The following ANKRD62 variants were observed in gnomAD, a reference collection of about 807,000 sequenced individuals.
ANKRD62 encodes ankyrin repeat domain-containing protein 62.
Under a neutral mutation model 98.8 loss-of-function variants are expected in ANKRD62, and 61 were observed. The ratio of observed to expected loss-of-function variants is 0.62; its 90% CI spans 0.50 to 0.76. ANKRD62 has a LOEUF of 0.76. ANKRD62 is among the 30% of genes least tolerant of loss of function. The probability of loss-of-function intolerance (pLI) is 0.00; values close to 1 mark genes in which losing one functional copy is unlikely to be tolerated. For missense variants in ANKRD62, 933 were observed against 1,082.9 expected, an observed-to-expected ratio of 0.86 and a Z score of 1.94; for synonymous variants, 341 against 367.9, an observed-to-expected ratio of 0.93 and a Z score of 0.84.
the ANKRD62 span, among the ~76,000 whole-genome samples, chr18:12,155,079 C>A: frequency 6.6e-6 from 1 of 152,126 alleles, no homozygotes; most frequent in Non-Finnish European, 1.5e-5. Flanking sequence ...ACAAGTTTAC[C>A]TGTGTAACAA....
In ANKRD62 at chr18:12,094,941, G is replaced by T. The variant is rs150146663; in HGVS notation, c.219-230G>T. Among the ~76,000 whole-genome samples, 8 of 134,356 alleles carry T rather than the reference G, an allele frequency of 6.0e-5. No homozygotes were observed. The East Asian group carries it at 2.1e-3, about 35-fold the overall frequency. The allele number at this position is 134,356 out of a possible 152,430, so 88.1% of individuals were successfully genotyped here. ...GGTAGGATGTGGGTACGATGCAAGGGTGGGGGTGGGGGTGGGGTGAGTGTT... is the reference window on the plus strand; with the variant it reads ...GGTAGGATGTGGGTACGATGCAAGGTTGGGGGTGGGGGTGGGGTGAGTGTT... On this transcript the variant is annotated intron_variant, in intron 1 of 13. Coordinates refer to ENST00000587848, the MANE Select transcript of ANKRD62 (RefSeq NM_001277333.2).
In ANKRD62 at chr18:12,097,735, G is replaced by C; in HGVS notation, c.710G>C (p.Gly237Ala). Residue 237 changes from glycine (G) to alanine (A), a missense_variant, in exon 5 of 14, where the codon GGA becomes GCA. Transcript: ENST00000587848. ...GATGTCTTTTGCCAAGATATATCTGGATGGACTGCAGAAGACTACGCTGTT... is the reference window on the plus strand; with the variant it reads ...GATGTCTTTTGCCAAGATATATCTGCATGGACTGCAGAAGACTACGCTGTT... ...NIDVFCQDIS[G>A]WTAEDYAVAS... 6.5e-7 allele frequency: 1 copy of C among 1,536,030 alleles called. No individual in the cohort carries two copies. Among genetic ancestry groups the C allele is most frequent in the Non-Finnish European group, 8.7e-7 (1 of 1,146,782 alleles).
the ANKRD62 span, among the ~76,000 whole-genome samples, chr18:12,172,387 T>C: frequency 6.6e-6 from 1 of 152,238 alleles, no homozygotes; most frequent in African/African-American, 2.4e-5. Flanking sequence ...TGCAGGTCTG[T>C]TGGAGTTTGC....
chr18:12,166,854 G>T, the ANKRD62 span, among the ~76,000 whole-genome samples: 1 of 151,436 alleles, frequency 6.6e-6, no homozygotes, highest in African/African-American at 2.4e-5. Context: ...AGGTATTTCT[G>T]CTAATGCTAT....
the ANKRD62 span, among the ~76,000 whole-genome samples, chr18:12,139,611 A>T: frequency 6.6e-6 from 1 of 151,756 alleles, no homozygotes; most frequent in Non-Finnish European, 1.5e-5. Flanking sequence ...ACGCCACTGC[A>T]CTCCAGCCTG....
intron 7 of ANKRD62, among the ~76,000 whole-genome samples, chr18:12,105,554 A>G (rs1909394161): frequency 6.6e-6 from 1 of 152,150 alleles, no homozygotes; most frequent in South Asian, 2.1e-4. Flanking sequence ...CTCTTCTTAG[A>G]AAGAAAAAAG....
chr18:12,095,152 C>G lies in ANKRD62; in HGVS notation c.219-19C>G. On this transcript the variant is annotated intron_variant, in intron 1 of 13. Transcript: ENST00000587848. Reference sequence around the variant, plus strand: ...GACTGTGCACTACAATTGCCTAAAGCGACCTCTCATTCTCACAGGACTGCT... The same window carrying G: ...GACTGTGCACTACAATTGCCTAAAGGGACCTCTCATTCTCACAGGACTGCT... 2 of 1,527,680 alleles carry G rather than the reference C, an allele frequency of 1.3e-6. No homozygotes were observed. The highest frequency in any genetic ancestry group is 1.8e-6 in the Non-Finnish European group (2 of 1,139,108). The allele number at this position is 1,527,680 out of a possible 1,614,324, so 94.6% of individuals were successfully genotyped here. A position where few individuals can be genotyped will look rare whatever the true frequency, so the allele number is the denominator to read the frequency against.
chr18:12,160,595 G>T, the ANKRD62 span, among the ~76,000 whole-genome samples: 1 of 152,216 alleles, frequency 6.6e-6, no homozygotes, highest in South Asian at 2.1e-4. Context: ...TTCAGCTGGG[G>T]CTTGTATTTC....
chr18:12,102,799 G>A (rs1196990919), intron 6 of ANKRD62: 4 of 980,816 alleles, frequency 4.1e-6, no homozygotes, highest in African/African-American at 1.7e-5. Context: ...GTAATATTAG[G>A]AAGTAAAGAA....
intron 9 of ANKRD62, 71 bp downstream of exon 9, chr18:12,115,192 A>G (rs1909634987): frequency 1.5e-6 from 2 of 1,333,792 alleles, no homozygotes; most frequent in Non-Finnish European, 1.9e-6. Context: ...AAAAACAGAA[A>G]ATCTTTTGCT....
the ANKRD62 span, among the ~76,000 whole-genome samples, chr18:12,169,357 G>C: frequency 6.6e-6 from 1 of 152,120 alleles, no homozygotes; most frequent in African/African-American, 2.4e-5. Flanking sequence ...GTTGAATTTT[G>C]TTGAAGGCCT....
At chr18:12,139,294 C>T in the ANKRD62 span, among the ~76,000 whole-genome samples, 1 of 152,132 alleles carries the variant, frequency 6.6e-6, no homozygotes, top group Non-Finnish European at 1.5e-5. Flanking sequence ...ATTTCTCCTT[C>T]ACTTATGAAA....
At chr18:12,177,280 G>A in the ANKRD62 span, among the ~76,000 whole-genome samples, 10 of 152,312 alleles carry the variant, frequency 6.6e-5, no homozygotes, top group South Asian at 1.5e-3. Context: ...GATGATGTTC[G>A]AGAAGCCACA....
In ANKRD62 at chr18:12,094,254, C is replaced by T. The variant is rs1171565422; in HGVS notation, c.218+19C>T. Reference sequence around the variant, plus strand: ...AGAACAGGTAAGGGGAACAGGAAGCCGGGAGGAGGCCTGGGGATATGGGAG... The same window carrying T: ...AGAACAGGTAAGGGGAACAGGAAGCTGGGAGGAGGCCTGGGGATATGGGAG... On this transcript the variant is annotated intron_variant, in intron 1 of 13. Transcript: ENST00000587848. 60 of 1,497,252 alleles carry T rather than the reference C, an allele frequency of 4.0e-5. No homozygotes were observed. The highest frequency in any genetic ancestry group is 6.4e-5 in the Admixed American group (3 of 47,030). 92.7% of individuals were successfully genotyped at this position (1,497,252 alleles called of 1,614,324 possible). A position where few individuals can be genotyped will look rare whatever the true frequency, so the allele number is the denominator to read the frequency against.
chr18:12,100,802 G>A (rs1228336647), intron 6 of ANKRD62, among the ~76,000 whole-genome samples: 1 of 152,176 alleles, frequency 6.6e-6, no homozygotes, highest in Non-Finnish European at 1.5e-5. Context: ...TGTTCTATCT[G>A]CTAGTTAATT....
At chr18:12,180,331 T>TC in the ANKRD62 span, among the ~76,000 whole-genome samples, 2 of 113,040 alleles carry the variant, frequency 1.8e-5, 1 homozygote, top group Admixed American at 1.9e-4. Flanking sequence ...CTGAGCCACA[T>TC]CCTTTATGAA....
the ANKRD62 span, among the ~76,000 whole-genome samples, chr18:12,168,301 T>G: frequency 2.6e-5 from 4 of 152,236 alleles, no homozygotes; most frequent in Admixed American, 1.3e-4. Flanking sequence ...CATCTTGAAT[T>G]AATTTTTGTA....
intron 6 of ANKRD62, among the ~76,000 whole-genome samples, chr18:12,101,740 T>A (rs1909303642): frequency 6.6e-6 from 1 of 152,188 alleles, no homozygotes; most frequent in African/African-American, 2.4e-5. Context: ...CTGTGACTCT[T>A]ATGAGAAGCT....
chr18:12,107,001 G>T (rs191794146), intron 7 of ANKRD62, among the ~76,000 whole-genome samples: 1 of 152,170 alleles, frequency 6.6e-6, no homozygotes, highest in East Asian at 1.9e-4. Context: ...AGGGCACCGG[G>T]GGTGAAAATG....
Sources: gnomAD v4.1 joint callset for allele counts (sites outside exome capture counted in the v4.1 genomes callset) on GRCh38, gnomAD v4.1.1 for gene constraint, MANE v1.5 for transcripts, NCBI Gene and HGNC (gene_info 2026-07-23, HGNC 2026-07-21) for gene names.